NAP1L1: variants seen among roughly 807,000 people sequenced by gnomAD.
NAP1L1 encodes the protein nucleosome assembly protein 1-like 1.
NAP1L1 carries 9 observed loss-of-function variants against 58.9 expected under a neutral mutation model. The observed-to-expected ratio is 0.15, with a 90% CI of 0.09 to 0.27. NAP1L1 has a LOEUF of 0.27. NAP1L1 is among the 10% of genes least tolerant of loss of function. The pLI is 1.00. For synonymous variants in NAP1L1, 130 were observed against 138.3 expected (o/e 0.94, Z 0.42); for missense variants, 302 against 458.8 (o/e 0.66, Z 3.12).
chr12:76,076,549 AATATATATATATATATATATATATATAT>A (rs58649228), intron 1 of NAP1L1, among the ~76,000 whole-genome samples: 1,918 of 120,654 alleles, frequency 0.016, 102 homozygotes, highest in African/African-American at 0.056. Flanking sequence ...TGGATATGGA[AATATATATATATATATATATATATATAT>A]ATATATATAT....
chr12:76,057,671 A>G (rs1949180332), intron 6 of NAP1L1: 20 of 1,465,358 alleles, frequency 1.4e-5, no homozygotes, highest in Non-Finnish European at 1.8e-5. Flanking sequence ...GAGTACTGTG[A>G]ATATATGCCT....
rs573751833 is a variant in NAP1L1 at position 76,063,823 on chromosome 12, C to G, written c.207-3544G>C. The stretch of plus-strand genomic sequence containing the variant: ...AAAATAAAAGCAGCAAACACTGATA[C>G]TAGAGGAAGACACACAGATGAAAAG... On this transcript the variant is annotated intron_variant, in intron 4 of 14. Transcript: ENST00000618691. 7.1e-5 allele frequency among the ~76,000 whole-genome samples: 10 copies of G among 140,376 alleles called. No individual in the cohort carries two copies. In the East Asian group the frequency reaches 2.1e-3, roughly 30 times the overall value. The allele number at this position is 140,376 out of a possible 152,430, so 92.1% of individuals were successfully genotyped here. A position where few individuals can be genotyped will look rare whatever the true frequency, so the allele number is the denominator to read the frequency against.
intron 9 of NAP1L1, 77 bp downstream of exon 9, chr12:76,053,693 G>C: frequency 6.6e-7 from 1 of 1,511,936 alleles, no homozygotes; most frequent in Non-Finnish European, 9.0e-7. Flanking sequence ...ATATGTAACT[G>C]AAAATAACCG....
chr12:76,060,059 A>G, intron 5 of NAP1L1, 79 bp downstream of exon 5: 1 of 1,452,204 alleles, frequency 6.9e-7, no homozygotes, highest in Non-Finnish European at 9.4e-7. Context: ...TCTAAAGATT[A>G]ACCTCTTCCA....
At chr12:76,052,818 G>T (rs1171619052) in intron 11 of NAP1L1, among the ~76,000 whole-genome samples, 1 of 152,120 alleles carries the variant, frequency 6.6e-6, no homozygotes, top group African/African-American at 2.4e-5. Flanking sequence ...GTTTTACTAA[G>T]GAAGACAACA....
At chr12:76,074,341 C>T (rs1950095262) in intron 1 of NAP1L1, 102 bp from the exon 2 acceptor site, 2 of 1,354,324 alleles carry the variant, frequency 1.5e-6, no homozygotes, top group Non-Finnish European at 1.9e-6. Context: ...AAAACTATCC[C>T]AAGAAATGTC....
At chr12:76,084,085 A>T (rs1162202086) in intron 1 of NAP1L1, 2 of 145,312 alleles carry the variant, frequency 1.4e-5, no homozygotes, top group Non-Finnish European at 3.0e-5. Flanking sequence ...CGGAATTCGC[A>T]GCCTCCGCCG....
intron 1 of NAP1L1, among the ~76,000 whole-genome samples, chr12:76,075,894 T>C (rs1297727815): frequency 6.6e-6 from 1 of 152,134 alleles, no homozygotes; most frequent in East Asian, 1.9e-4. Flanking sequence ...CCAGGCACCA[T>C]GGCTCACACC....
At position 76,047,665 on chromosome 12, in the gene NAP1L1, T is replaced by C. The variant is rs750244909; in HGVS notation, c.*764A>G. The stretch of plus-strand genomic sequence containing the variant: ...AAACAAACAACAAATAACTTGAAAA[T>C]AGGCTTGTCAAATGATGTAAATTCA... On this transcript the variant is annotated 3_prime_UTR_variant, in exon 15 of 15. Coordinates refer to ENST00000618691, the MANE Select transcript of NAP1L1 (RefSeq NM_004537.7). The C allele has an allele frequency of 6.6e-6, 1 of 152,000 alleles. No homozygotes were observed. The highest frequency in any genetic ancestry group is 1.5e-5 in the Non-Finnish European group (1 of 67,912). 9.4% of individuals were successfully genotyped at this position (152,000 alleles called of 1,614,324 possible).
In NAP1L1 at chr12:76,053,837, T is replaced by C; in HGVS notation, c.703A>G (p.Met235Val). The C allele has an allele frequency of 6.3e-7, 1 of 1,597,726 alleles. No homozygotes were observed. The highest frequency in any genetic ancestry group is 8.5e-7 in the Non-Finnish European group (1 of 1,176,052). The part of the protein sequence containing the change: ...TNEVLTKTYR[M>V]RSEPDDSDPF... Reference sequence around the variant, plus strand: ...TCAGAATCATCTGGTTCTGACCTCATCCTGTATGTCTTTGTCAGCACTTCA... The same window carrying C: ...TCAGAATCATCTGGTTCTGACCTCACCCTGTATGTCTTTGTCAGCACTTCA... Residue 235 changes from methionine to valine, a missense_variant, in exon 9 of 15, where the codon ATG becomes GTG. Transcript: ENST00000618691.
chr12:76,055,652 AC>A (rs1263068138), intron 7 of NAP1L1, among the ~76,000 whole-genome samples: 1 of 152,232 alleles, frequency 6.6e-6, no homozygotes, highest in Non-Finnish European at 1.5e-5. Context: ...AATGAGTTTA[AC>A]ATCTTTATGG....
At position 76,042,664 on chromosome 12, in the gene NAP1L1, T is replaced by A. The variant is rs1948561384; in HGVS notation, c.*5765A>T. On this transcript the variant is annotated 3_prime_UTR_variant, in exon 15 of 15. Coordinates refer to ENST00000618691, the MANE Select transcript of NAP1L1 (RefSeq NM_004537.7). Reference sequence around the variant, plus strand: ...CATTGTTTGATTCAACTTCAAAGTATCCACTGTGCGTTCAGTTTTTATGAT... The same window carrying A: ...CATTGTTTGATTCAACTTCAAAGTAACCACTGTGCGTTCAGTTTTTATGAT... The A allele has an allele frequency of 6.6e-6, 1 of 152,198 alleles. No individual in the cohort carries two copies. The highest frequency in any genetic ancestry group is 1.5e-5 in the Non-Finnish European group (1 of 68,028). 9.4% of individuals were successfully genotyped at this position (152,198 alleles called of 1,614,324 possible).
intron 2 of NAP1L1, among the ~76,000 whole-genome samples, chr12:76,071,749 C>T (rs1478802795): frequency 6.6e-6 from 1 of 152,150 alleles, no homozygotes; most frequent in African/African-American, 2.4e-5. Context: ...ATTAGATCTT[C>T]TCTACACTAG....
rs181255393 is a variant in NAP1L1, at chr12:76,078,689, T to C, written c.-20-4450A>G. 5.3e-5 allele frequency among the ~76,000 whole-genome samples: 8 copies of C among 152,236 alleles called. No homozygotes were observed. In the East Asian group the frequency reaches 1.2e-3, roughly 22 times the overall value. ...ATGAATCAAACTAAATGGGCTGGCTTAAGAGTAAGATACACAGCTGAAGAG... is the reference window on the plus strand; with the variant it reads ...ATGAATCAAACTAAATGGGCTGGCTCAAGAGTAAGATACACAGCTGAAGAG... On this transcript the variant is annotated intron_variant, in intron 1 of 14. Transcript: ENST00000618691.
chr12:76,058,191 CTACA>C, intron 6 of NAP1L1: 1 of 315,034 alleles, frequency 3.2e-6, no homozygotes, highest in Admixed American at 5.2e-5. Flanking sequence ...GGAGAGAGGC[CTACA>C]TATATATATA....
At chr12:76,073,045 G>A (rs1369246149) in intron 2 of NAP1L1, among the ~76,000 whole-genome samples, 1 of 152,008 alleles carries the variant, frequency 6.6e-6, no homozygotes, top group Non-Finnish European at 1.5e-5. Context: ...ATCCAAATTA[G>A]AGGTGTGACA....
chr12:76,079,249 T>C (rs573503864), intron 1 of NAP1L1, among the ~76,000 whole-genome samples: 122 of 152,300 alleles, frequency 8.0e-4, no homozygotes, highest in African/African-American at 2.7e-3. Flanking sequence ...GGTGAGGCCA[T>C]GTGCGGTAGC....
intron 11 of NAP1L1, among the ~76,000 whole-genome samples, chr12:76,052,021 AAAT>A (rs1222361518): frequency 4.6e-5 from 7 of 152,038 alleles, no homozygotes; most frequent in Admixed American, 6.5e-5. Flanking sequence ...CTCAAAAAAA[AAAT>A]AATAATAATA....
chr12:76,058,235 G>A, intron 6 of NAP1L1: 1 of 241,308 alleles, frequency 4.1e-6, no homozygotes, highest in Non-Finnish European at 8.5e-6. Context: ...GTATTCTACA[G>A]TAAAACTGTA....
Sources: gnomAD v4.1 joint callset for allele counts (sites outside exome capture counted in the v4.1 genomes callset) on GRCh38, gnomAD v4.1.1 for gene constraint, MANE v1.5 for transcripts, NCBI Gene and HGNC (gene_info 2026-07-23, HGNC 2026-07-21) for gene names.